The following ACYP2 variants were observed in gnomAD, a reference collection of about 807,000 sequenced individuals.
ACYP2 encodes the protein acylphosphatase-2.
A neutral mutation model predicts 11.2 loss-of-function variants in ACYP2; 12 were observed. The observed-to-expected ratio is 1.08, with a 90% CI of 0.69 to 1.74. The LOEUF is 1.74. ACYP2 is among the 40% of genes most tolerant of loss of function. ACYP2 has a pLI of 0.00. For synonymous variants in ACYP2, 43 were observed against 32.2 expected (o/e 1.33, Z -1.13); for missense variants, 134 against 101.9 (o/e 1.31, Z -1.35).
chr2:54,271,809 C>T (rs967219809), intron 6 of ACYP2, among the ~76,000 whole-genome samples: 1 of 151,832 alleles, frequency 6.6e-6, no homozygotes, highest in Admixed American at 6.6e-5. Context: ...TAAAGAAATC[C>T]CCTAATTATA....
At chr2:54,284,208 A>G (rs568597147) in intron 6 of ACYP2, among the ~76,000 whole-genome samples, 1 of 151,974 alleles carries the variant, frequency 6.6e-6, no homozygotes, top group African/African-American at 2.4e-5. Flanking sequence ...AAGCATCCAC[A>G]TGCTTGTAGG....
In ACYP2 at chr2:53,999,754, C is replaced by G. The variant is rs368933013; in HGVS notation, c.62+25944C>G. Among the ~76,000 whole-genome samples, 4 of 152,256 alleles carry G rather than the reference C, an allele frequency of 2.6e-5. 1 individual carries two copies. The highest frequency in any genetic ancestry group is 2.4e-5 in the African/African-American group (1 of 41,552). On this transcript the variant is annotated intron_variant, in intron 2 of 6. Transcript: ENST00000607452. ...CCAATCTCACATTTCAGAGAGCTTG[C>G]AATGAGACGACCTGGCACCATTAAA... is the stretch of plus-strand genomic sequence containing the variant.
chr2:54,287,332 G>C (rs1431217468), intron 6 of ACYP2, among the ~76,000 whole-genome samples: 1 of 151,694 alleles, frequency 6.6e-6, no homozygotes, highest in Non-Finnish European at 1.5e-5. Flanking sequence ...ATGCATAAGG[G>C]CCCCCCCTCA....
At chr2:54,272,728 T>G (rs1688362970) in intron 6 of ACYP2, among the ~76,000 whole-genome samples, 1 of 152,244 alleles carries the variant, frequency 6.6e-6, no homozygotes, top group African/African-American at 2.4e-5. Context: ...ACTGTCCACA[T>G]CCTTGAGTTG....
intron 2 of ACYP2, among the ~76,000 whole-genome samples, chr2:54,000,810 C>G (rs1427665086): frequency 6.6e-6 from 1 of 152,156 alleles, no homozygotes; most frequent in East Asian, 1.9e-4. Context: ...GGCCAAACCA[C>G]GTCATATGGT....
At chr2:54,277,882 A>G (rs973140830) in intron 6 of ACYP2, among the ~76,000 whole-genome samples, 2 of 152,184 alleles carry the variant, frequency 1.3e-5, no homozygotes, top group Non-Finnish European at 2.9e-5. Flanking sequence ...ATACTTTAAA[A>G]ACATTTTATT....
At chr2:54,238,556 C>G (rs369649174) in intron 6 of ACYP2, among the ~76,000 whole-genome samples, 3 of 152,166 alleles carry the variant, frequency 2.0e-5, no homozygotes, top group East Asian at 3.9e-4. Context: ...GATCATATTT[C>G]TGTTCATCAA....
At chr2:54,007,620 C>T (rs1340969560) in intron 2 of ACYP2, among the ~76,000 whole-genome samples, 3 of 152,196 alleles carry the variant, frequency 2.0e-5, no homozygotes, top group Non-Finnish European at 4.4e-5. Context: ...AATCCCAGCA[C>T]TTTGGGATAC....
At chr2:54,201,640 T>TTGTTTC (rs1684811923) in intron 6 of ACYP2, among the ~76,000 whole-genome samples, 2 of 60,662 alleles carry the variant, frequency 3.3e-5, no homozygotes, top group Admixed American at 1.5e-4. Context: ...TTCTTTCTCT[T>TTGTTTC]TCTTTCTTTC....
intron 6 of ACYP2, among the ~76,000 whole-genome samples, chr2:54,218,940 G>A (rs554837639): frequency 2.0e-5 from 3 of 152,126 alleles, no homozygotes; most frequent in Non-Finnish European, 2.9e-5. Flanking sequence ...TATTAACTGG[G>A]TGCTTTCCAT....
intron 2 of ACYP2, among the ~76,000 whole-genome samples, chr2:53,978,633 TC>T (rs772634437): frequency 6.6e-6 from 1 of 152,114 alleles, no homozygotes; most frequent in Admixed American, 6.5e-5. Context: ...CACCTGTAAT[TC>T]CAGCACTTTG....
intron 4 of ACYP2, among the ~76,000 whole-genome samples, chr2:54,118,079 A>G (rs1443089380): frequency 6.6e-6 from 1 of 152,192 alleles, no homozygotes; most frequent in African/African-American, 2.4e-5. Flanking sequence ...CTTTCTTTCA[A>G]AGGATGATTG....
intron 3 of ACYP2, chr2:54,051,336 G>T: frequency 2.6e-6 from 2 of 763,500 alleles, no homozygotes; most frequent in South Asian, 2.7e-5. Flanking sequence ...GAGTTTTTAA[G>T]AAGTGCTCAG....
intron 6 of ACYP2, among the ~76,000 whole-genome samples, chr2:54,243,665 G>A (rs1449447486): frequency 6.6e-6 from 1 of 152,072 alleles, no homozygotes; most frequent in African/African-American, 2.4e-5. Flanking sequence ...TGCCTCCCTG[G>A]TTCAAGCGAT....
In ACYP2 at chr2:54,067,935, C is replaced by T. The variant is rs557835040; in HGVS notation, c.277+10575C>T. On this transcript the variant is annotated intron_variant, in intron 4 of 6. Transcript: ENST00000607452. ...ATCTTACGCATAAAATATTTTTTAG[C>T]TCTGCTTGCATAACCCATAAGATTT... 1.1e-4 allele frequency among the ~76,000 whole-genome samples: 16 copies of T among 152,282 alleles called. No homozygotes were observed. The South Asian group carries it at 2.7e-3, about 26-fold the overall frequency.
At chr2:54,060,044 A>ATT (rs1333901587) in intron 4 of ACYP2, among the ~76,000 whole-genome samples, 1 of 152,098 alleles carries the variant, frequency 6.6e-6, no homozygotes, top group Non-Finnish European at 1.5e-5. Context: ...GTCTTTTTTA[A>ATT]TTCATTGGGC....
chr2:54,095,034 C>A (rs1274428343), intron 4 of ACYP2, among the ~76,000 whole-genome samples: 1 of 150,392 alleles, frequency 6.6e-6, no homozygotes, highest in Admixed American at 6.6e-5. Flanking sequence ...GACCCTGCGG[C>A]CTTCCGCGGT....
intron 4 of ACYP2, among the ~76,000 whole-genome samples, chr2:54,083,605 C>G (rs988769166): frequency 6.6e-6 from 1 of 152,046 alleles, no homozygotes; most frequent in East Asian, 1.9e-4. Flanking sequence ...AAGAACCAAA[C>G]ACATGTGATG....
intron 2 of ACYP2, among the ~76,000 whole-genome samples, chr2:54,040,281 C>T (rs1358459393): frequency 6.6e-6 from 1 of 152,056 alleles, no homozygotes; most frequent in African/African-American, 2.4e-5. Flanking sequence ...AGAAAAGGAA[C>T]AGGATTTGGT....
Sources: allele counts gnomAD v4.1 joint callset (sites outside exome capture counted in the v4.1 genomes callset), GRCh38; gene constraint gnomAD v4.1.1; transcripts MANE v1.5; gene names NCBI Gene and HGNC (gene_info 2026-07-23, HGNC 2026-07-21).